The following CEP295 variants were observed in gnomAD, a reference collection of about 807,000 sequenced individuals.
The protein encoded by CEP295 is centrosomal protein of 295 kDa.
In CEP295, 190 loss-of-function variants were observed where a neutral mutation model predicts 291.6. The ratio of observed to expected loss-of-function variants is 0.65; its 90% CI spans 0.58 to 0.73. CEP295 has a LOEUF of 0.73. Ranked by LOEUF, CEP295 falls within the 30% of genes least tolerant of loss-of-function variation. The pLI is 0.00. For synonymous variants in CEP295, 993 were observed against 1,038.8 expected (o/e 0.96, Z 0.85); for missense variants, 2,863 against 2,949.4 (o/e 0.97, Z 0.68).
At chr11:93,728,949 C>A in intron 25 of CEP295, 128 bp downstream of exon 25, 2 of 732,394 alleles carry the variant, frequency 2.7e-6, no homozygotes, top group South Asian at 4.1e-5. Context: ...GACACCCCCA[C>A]CAGCTCTCAA....
At chr11:93,675,437 C>T (rs1355790076) in intron 5 of CEP295, 134 bp from the exon 6 acceptor site, 1 of 465,096 alleles carries the variant, frequency 2.2e-6, no homozygotes, top group African/African-American at 2.0e-5. Flanking sequence ...AATTTGATTT[C>T]ATTATGAGCA....
intron 5 of CEP295, among the ~76,000 whole-genome samples, chr11:93,675,338 A>G (rs1950634579): frequency 6.6e-6 from 1 of 152,162 alleles, no homozygotes; most frequent in South Asian, 2.1e-4. Flanking sequence ...GATGAATAAA[A>G]CACATTTAGT....
At chr11:93,729,025 A>C (rs983225927) in intron 25 of CEP295, 13 of 535,932 alleles carry the variant, frequency 2.4e-5, no homozygotes, top group Non-Finnish European at 4.2e-5. Flanking sequence ...ACTCCAATTT[A>C]TGCCTGTCTC....
At chr11:93,665,491 T>C (rs1950167116) in intron 1 of CEP295, among the ~76,000 whole-genome samples, 1 of 152,160 alleles carries the variant, frequency 6.6e-6, no homozygotes, top group African/African-American at 2.4e-5. Flanking sequence ...GTGGATCACT[T>C]GAGGTCAGGA....
At position 93,697,631 on chromosome 11, in the gene CEP295, T is replaced by G. The variant is rs1056319331; in HGVS notation, c.2719T>G (p.Leu907Val). The change falls in exon 15 of 30, where the codon TTG becomes GTG. Residue 907 changes from leucine (L) to valine (V), a missense_variant. Coordinates refer to ENST00000325212, the MANE Select transcript of CEP295 (RefSeq NM_033395.2). The part of the protein sequence containing the change: ...SALLPSAKAD[L>V]GRIQESSPTK... ...TTTATTGCCTTCTGCCAAAGCAGATTTGGGGAGAATCCAGGAATCTTCACC... is the reference window on the plus strand; with the variant it reads ...TTTATTGCCTTCTGCCAAAGCAGATGTGGGGAGAATCCAGGAATCTTCACC... 1 of 1,551,860 alleles carries G rather than the reference T, an allele frequency of 6.4e-7. No homozygotes were observed. Among genetic ancestry groups the G allele is most frequent in the Non-Finnish European group, 8.7e-7 (1 of 1,147,006 alleles).
In CEP295 at chr11:93,698,940, T is replaced by G. The variant is rs143814907; in HGVS notation, c.4028T>G (p.Leu1343Arg). Residue 1343 changes from leucine (L) to arginine (R), a missense_variant, in exon 15 of 30, where the codon CTT becomes CGT. Transcript: ENST00000325212. ...LQDRLLRISQ[L>R]IQPQQDNLKA... ...GATAGGCTTTTGAGGATATCGCAAC[T>G]TATCCAGCCTCAACAAGATAATTTG... 6.4e-7 allele frequency: 1 copy of G among 1,551,370 alleles called. No individual in the cohort carries two copies. Among genetic ancestry groups the G allele is most frequent in the African/African-American group, 1.4e-5 (1 of 73,022 alleles).
At chr11:93,667,920 G>A in intron 3 of CEP295, 113 bp downstream of exon 3, 1 of 751,778 alleles carries the variant, frequency 1.3e-6, no homozygotes, top group Non-Finnish European at 2.1e-6. Flanking sequence ...TTTCTTTGGG[G>A]CAGCTTGAAC....
chr11:93,718,621 A>G (rs1953445741), intron 18 of CEP295, among the ~76,000 whole-genome samples: 2 of 152,222 alleles, frequency 1.3e-5, no homozygotes, highest in Non-Finnish European at 1.5e-5. Context: ...TCTTCTAGGT[A>G]TATTACAGAT....
chr11:93,678,148 C>T (rs912531989), intron 6 of CEP295, among the ~76,000 whole-genome samples: 9 of 152,184 alleles, frequency 5.9e-5, no homozygotes, highest in African/African-American at 2.2e-4. Flanking sequence ...CCAAAATTGA[C>T]ATACTGCTTT....
chr11:93,705,105 A>G (rs1435771987), intron 17 of CEP295, among the ~76,000 whole-genome samples: 2 of 152,048 alleles, frequency 1.3e-5, no homozygotes, highest in African/African-American at 2.4e-5. Context: ...TCCACTCTCT[A>G]CTACTTCAGT....
chr11:93,702,488 T>C lies in CEP295; in HGVS notation c.5303T>C (p.Leu1768Ser). ...AGTAAGCCCACAGTTGAAAATGATT[T>C]AAAAACCCAGAAGATGGGGCAGCTC... ...QISKPTVENDLKTQKMGQLRD... is the reference protein window; with the variant it reads ...QISKPTVENDSKTQKMGQLRD... The change falls in exon 16 of 30, where the codon TTA (leucine) becomes TCA (serine). Residue 1768 changes from leucine to serine, a missense_variant. Physicochemically the swap from Leu to Ser is moderately radical, Grantham distance 145. Transcript: ENST00000325212. 3 of 1,539,376 alleles carry C rather than the reference T, an allele frequency of 1.9e-6. No individual in the cohort carries two copies. The highest frequency in any genetic ancestry group is 2.6e-6 in the Non-Finnish European group (3 of 1,143,506).
chr11:93,697,881 A>C lies in CEP295; in HGVS notation c.2969A>C (p.Gln990Pro). 2.6e-6 allele frequency: 4 copies of C among 1,551,764 alleles called. No homozygotes were observed. In the South Asian group the frequency reaches 3.6e-5, roughly 14 times the overall value. Residue 990 changes from glutamine to proline, a missense_variant, in exon 15 of 30, where the codon CAG becomes CCG. Gln to Pro is a moderately conservative substitution (Grantham distance 76, BLOSUM62 -1). Coordinates refer to ENST00000325212, the MANE Select transcript of CEP295 (RefSeq NM_033395.2). ...SELDRRVCSEQAEPSFPFQVA... is the reference protein window; with the variant it reads ...SELDRRVCSEPAEPSFPFQVA... ...TTGGATAGAAGAGTATGTTCCGAAC[A>C]GGCTGAGCCCTCTTTCCCATTTCAG...
rs948875945 is a variant in CEP295, at chr11:93,696,817, T to A, written c.1905T>A (p.Ser635=). ...DSVISVPSWK[S]ERPTAISEHW... ...TTATATCAGTGCCATCATGGAAATCTGAGAGACCGACTGCTATATCAGAGC... is the reference window on the plus strand; with the variant it reads ...TTATATCAGTGCCATCATGGAAATCAGAGAGACCGACTGCTATATCAGAGC... Residue 635 remains serine, a synonymous_variant, in exon 15 of 30, where the codon TCT becomes TCA. Coordinates refer to ENST00000325212, the MANE Select transcript of CEP295 (RefSeq NM_033395.2). 1.9e-6 allele frequency: 3 copies of A among 1,551,724 alleles called. No homozygotes were observed. Among genetic ancestry groups the A allele is most frequent in the Non-Finnish European group, 1.7e-6 (2 of 1,147,002 alleles).
chr11:93,718,762 A>T (rs1001802281), intron 18 of CEP295, among the ~76,000 whole-genome samples: 2 of 152,264 alleles, frequency 1.3e-5, no homozygotes, highest in East Asian at 3.8e-4. Flanking sequence ...AAATTTCACC[A>T]GCCAACCTGG....
rs1189370355 is a variant in CEP295, at chr11:93,669,705, C to T, written c.463C>T (p.Leu155Phe). 3.2e-6 allele frequency: 5 copies of T among 1,550,534 alleles called. No individual in the cohort carries two copies. The South Asian group carries it at 6.0e-5, about 18-fold the overall frequency. Residue 155 changes from leucine (L) to phenylalanine (F), a missense_variant, in exon 5 of 30, where the codon CTT (leucine) becomes TTT (phenylalanine). Leu to Phe is a conservative substitution (Grantham distance 22). Coordinates refer to ENST00000325212, the MANE Select transcript of CEP295 (RefSeq NM_033395.2). Reference sequence around the variant, plus strand: ...TATAAAAGCTCGAAAGGAAGCACTGCTTGTGGAAAAAGAGAGATCAGCCAA... The same window carrying T: ...TATAAAAGCTCGAAAGGAAGCACTGTTTGTGGAAAAAGAGAGATCAGCCAA... Reference protein sequence around the residue: ...WHIKARKEALLVEKERSAKIT... With the variant: ...WHIKARKEALFVEKERSAKIT...
chr11:93,716,703 G>A (rs1028059228), intron 18 of CEP295, among the ~76,000 whole-genome samples: 10 of 152,248 alleles, frequency 6.6e-5, no homozygotes, highest in African/African-American at 1.9e-4. Context: ...CAGGGATACA[G>A]AGGCAGGACA....
intron 18 of CEP295, among the ~76,000 whole-genome samples, chr11:93,711,620 A>C (rs1340122461): frequency 1.6e-4 from 25 of 152,158 alleles, no homozygotes; most frequent in Admixed American, 1.6e-3. Flanking sequence ...CTTCTGCCTC[A>C]GCCTCCCAAA....
At chr11:93,673,294 A>T (rs1950534140) in intron 5 of CEP295, among the ~76,000 whole-genome samples, 1 of 152,102 alleles carries the variant, frequency 6.6e-6, no homozygotes, top group Non-Finnish European at 1.5e-5. Flanking sequence ...AAATATATAT[A>T]TGTATATGTG....
At chr11:93,688,286 C>T (rs78347338) in intron 10 of CEP295, among the ~76,000 whole-genome samples, 3,386 of 152,234 alleles carry the variant, frequency 0.022, 60 homozygotes, top group South Asian at 0.041. Context: ...TGTATTCCCA[C>T]TAGGTATTTA....
Sources: allele counts gnomAD v4.1 joint callset (sites outside exome capture counted in the v4.1 genomes callset), GRCh38; gene constraint gnomAD v4.1.1; transcripts MANE v1.5; gene names NCBI Gene and HGNC (gene_info 2026-07-23, HGNC 2026-07-21).